The following AGBL4 variants were observed in gnomAD, a reference collection of about 807,000 sequenced individuals.
AGBL4 encodes AGBL carboxypeptidase 4.
In AGBL4, 58 loss-of-function variants were observed where a neutral mutation model predicts 66.4. The observed-to-expected ratio is 0.87, with a 90% confidence interval of 0.71 to 1.09. The LOEUF (loss-of-function observed/expected upper bound fraction) is 1.09. AGBL4 is among the 50% of genes least tolerant of loss of function. The pLI, the probability that AGBL4 is intolerant of heterozygous loss-of-function variation, is 0.00. For synonymous variants in AGBL4, 234 were observed against 222.9 expected (o/e 1.05, Z -0.44); for missense variants, 579 against 631.0 (o/e 0.92, Z 0.88).
intron 5 of AGBL4, among the ~76,000 whole-genome samples, chr1:48,894,683 G>T (rs1651330576): frequency 6.6e-6 from 1 of 151,960 alleles, no homozygotes; most frequent in Non-Finnish European, 1.5e-5. Flanking sequence ...ACATTTACTG[G>T]TTAGAGTGGG....
intron 4 of AGBL4, among the ~76,000 whole-genome samples, chr1:49,157,342 CTCT>C (rs1047793894): frequency 6.8e-6 from 1 of 146,674 alleles, no homozygotes; most frequent in African/African-American, 2.5e-5. Flanking sequence ...GTTTGGTTTT[CTCT>C]TCTTGTCTTA....
chr1:48,700,447 T>C (rs1224875329), intron 6 of AGBL4, among the ~76,000 whole-genome samples: 1 of 152,192 alleles, frequency 6.6e-6, no homozygotes, highest in East Asian at 1.9e-4. Context: ...GTCTGCCATA[T>C]GTGGAGGCTC....
chr1:48,742,566 C>A, intron 6 of AGBL4: 2 of 1,434,612 alleles, frequency 1.4e-6, no homozygotes, highest in Non-Finnish European at 1.8e-6. Flanking sequence ...ATACTCTCCA[C>A]CTTTACTCTG....
At chr1:49,447,658 A>G (rs1646189861) in intron 3 of AGBL4, among the ~76,000 whole-genome samples, 2 of 152,174 alleles carry the variant, frequency 1.3e-5, no homozygotes, top group African/African-American at 4.8e-5. Context: ...TTGTCAGGGT[A>G]GAGGAATTTT....
intron 4 of AGBL4, among the ~76,000 whole-genome samples, chr1:49,101,534 T>C (rs896704497): frequency 3.0e-4 from 45 of 152,166 alleles, no homozygotes; most frequent in African/African-American, 1.1e-3. Context: ...ACCTAATACA[T>C]GGTTCTAAAT....
intron 5 of AGBL4, among the ~76,000 whole-genome samples, chr1:48,909,332 T>A (rs1557449966): frequency 6.6e-6 from 1 of 152,234 alleles, no homozygotes; most frequent in Non-Finnish European, 1.5e-5. Context: ...ATAAGGAATT[T>A]ACTCTTCCTA....
intron 3 of AGBL4, among the ~76,000 whole-genome samples, chr1:49,431,786 A>G (rs1435517036): frequency 6.6e-6 from 1 of 152,178 alleles, no homozygotes; most frequent in Non-Finnish European, 1.5e-5. Context: ...TACAGAAAAA[A>G]TGCTTGAAAA....
At chr1:49,672,635 G>C (rs1646500189) in intron 3 of AGBL4, among the ~76,000 whole-genome samples, 1 of 151,834 alleles carries the variant, frequency 6.6e-6, no homozygotes, top group Non-Finnish European at 1.5e-5. Flanking sequence ...TGAAAAGATA[G>C]AGAAGCCAGG....
chr1:49,796,379 G>T (rs1363089337), intron 2 of AGBL4, among the ~76,000 whole-genome samples: 1 of 150,492 alleles, frequency 6.6e-6, no homozygotes, highest in Non-Finnish European at 1.5e-5. Context: ...ACAAAAAAAT[G>T]TATGAAGATA....
At chr1:50,020,017 A>C (rs1662323734) in intron 1 of AGBL4, among the ~76,000 whole-genome samples, 1 of 152,050 alleles carries the variant, frequency 6.6e-6, no homozygotes, top group East Asian at 1.9e-4. Flanking sequence ...TTGAATATAA[A>C]AAATTTCTAA....
intron 1 of AGBL4, among the ~76,000 whole-genome samples, chr1:49,933,814 T>C (rs1653626494): frequency 6.6e-6 from 1 of 151,830 alleles, no homozygotes; most frequent in Admixed American, 6.6e-5. Flanking sequence ...AAAAACATTA[T>C]AAGAACATCA....
At chr1:48,731,494 C>T (rs908036578) in intron 6 of AGBL4, among the ~76,000 whole-genome samples, 5 of 152,132 alleles carry the variant, frequency 3.3e-5, no homozygotes, top group African/African-American at 1.2e-4. Context: ...CTGAGGTAGG[C>T]ACTGGGTGCT....
chr1:48,872,220 T>A (rs900767281), intron 5 of AGBL4, among the ~76,000 whole-genome samples: 6 of 152,164 alleles, frequency 3.9e-5, no homozygotes, highest in African/African-American at 1.2e-4. Flanking sequence ...TATTTTCTTA[T>A]CATCTTTCTC....
intron 3 of AGBL4, among the ~76,000 whole-genome samples, chr1:49,500,088 T>A (rs1298979127): frequency 6.6e-6 from 1 of 152,116 alleles, no homozygotes; most frequent in Non-Finnish European, 1.5e-5. Flanking sequence ...TAACTTGGTA[T>A]TGCATTGTGG....
intron 4 of AGBL4, among the ~76,000 whole-genome samples, chr1:49,148,551 G>A (rs1044353266): frequency 2.0e-5 from 3 of 152,168 alleles, no homozygotes; most frequent in Non-Finnish European, 4.4e-5. Flanking sequence ...AGACTTTGGA[G>A]TGTCTTTTGA....
intron 2 of AGBL4, among the ~76,000 whole-genome samples, chr1:49,706,269 T>C (rs181017924): frequency 6.6e-6 from 1 of 152,308 alleles, no homozygotes; most frequent in Admixed American, 6.5e-5. Flanking sequence ...CTTCCTGGTT[T>C]AGTCTTGGGA....
At chr1:48,969,203 A>G (rs965711989) in intron 5 of AGBL4, among the ~76,000 whole-genome samples, 15 of 151,254 alleles carry the variant, frequency 9.9e-5, no homozygotes, top group African/African-American at 3.4e-4. Flanking sequence ...TAAGGCACCT[A>G]ATTCACGTTG....
intron 1 of AGBL4, among the ~76,000 whole-genome samples, chr1:49,983,534 G>A (rs1044360643): frequency 1.3e-5 from 2 of 152,246 alleles, no homozygotes; most frequent in African/African-American, 4.8e-5. Context: ...AGCCTGCCAG[G>A]TGAAGTGGCC....
intron 3 of AGBL4, among the ~76,000 whole-genome samples, chr1:49,693,496 C>T (rs1422356273): frequency 6.6e-6 from 1 of 151,862 alleles, no homozygotes; most frequent in Non-Finnish European, 1.5e-5. Flanking sequence ...AATGTATATA[C>T]AGTACAAATT....
Sources: gnomAD v4.1 joint callset for allele counts (sites outside exome capture counted in the v4.1 genomes callset) on GRCh38, gnomAD v4.1.1 for gene constraint, MANE v1.5 for transcripts, NCBI Gene and HGNC (gene_info 2026-07-23, HGNC 2026-07-21) for gene names.